HS6ST2: variants seen among roughly 807,000 people sequenced by gnomAD.
HS6ST2 encodes the protein heparan-sulfate 6-O-sulfotransferase 2.
A neutral mutation model predicts 33.0 loss-of-function variants in HS6ST2; 17 were observed. The observed-to-expected ratio is 0.52, with a 90% CI of 0.35 to 0.77. The LOEUF (loss-of-function observed/expected upper bound fraction) is 0.77. Among genes scored for constraint, HS6ST2 ranks in the 30% least tolerant of loss-of-function variants. The pLI is 0.01. For synonymous variants in HS6ST2, 248 were observed against 237.1 expected (o/e 1.05, Z -0.42); for missense variants, 519 against 551.7 (o/e 0.94, Z 0.59).
At chrX:132,843,500 C>A (rs910539001) in intron 2 of HS6ST2, among the ~76,000 whole-genome samples, 3 of 111,341 alleles carry the variant, frequency 2.7e-5, no homozygotes, top group Non-Finnish European at 5.7e-5. Flanking sequence ...CAATGTGATG[C>A]CTTTTTTAAA....
At chrX:132,740,342 T>C (rs1208964530) in intron 2 of HS6ST2, among the ~76,000 whole-genome samples, 1 of 112,102 alleles carries the variant, frequency 8.9e-6, no homozygotes, top group Non-Finnish European at 1.9e-5. Flanking sequence ...AACCTACTAT[T>C]CACACTGCTC....
At chrX:132,801,455 T>G (rs2065234386) in intron 2 of HS6ST2, among the ~76,000 whole-genome samples, 1 of 111,949 alleles carries the variant, frequency 8.9e-6, no homozygotes, top group South Asian at 3.7e-4. Context: ...TGAGACAAAG[T>G]ATGGAAAGAA....
At chrX:132,732,067 T>A (rs940660504) in intron 2 of HS6ST2, among the ~76,000 whole-genome samples, 2 of 111,954 alleles carry the variant, frequency 1.8e-5, no homozygotes, top group Admixed American at 9.5e-5. Flanking sequence ...TTTGCATAGG[T>A]GGGATTTCTC....
intron 2 of HS6ST2, among the ~76,000 whole-genome samples, chrX:132,745,371 C>T (rs2064628277): frequency 8.9e-6 from 1 of 112,089 alleles, no homozygotes; most frequent in African/African-American, 3.2e-5. Flanking sequence ...AGGCGTGAGC[C>T]ACCGCGCCCA....
At chrX:132,763,649 C>T (rs2148312693) in intron 2 of HS6ST2, among the ~76,000 whole-genome samples, 1 of 111,995 alleles carries the variant, frequency 8.9e-6, no homozygotes, top group Non-Finnish European at 1.9e-5. Flanking sequence ...TGTGACATGT[C>T]TAATCTTGCT....
At chrX:132,957,393 C>G in intron 1 of HS6ST2, 67 bp from the exon 2 acceptor site, 4 of 1,059,866 alleles carry the variant, frequency 3.8e-6, no homozygotes, top group Non-Finnish European at 5.0e-6. Context: ...GCCCCCGCAC[C>G]GCCCCCTTCC....
chrX:132,909,914 G>T (rs2066515856), intron 2 of HS6ST2, among the ~76,000 whole-genome samples: 1 of 110,512 alleles, frequency 9.0e-6, no homozygotes, highest in African/African-American at 3.3e-5. Flanking sequence ...ATAGTATTTC[G>T]TGCATCATAA....
chrX:132,909,246 C>T (rs973924214), intron 2 of HS6ST2, among the ~76,000 whole-genome samples: 9 of 112,304 alleles, frequency 8.0e-5, no homozygotes, highest in Admixed American at 5.7e-4. Context: ...GGCTACTCCT[C>T]AGTTCTCTCA....
At chrX:132,824,409 T>C (rs1373735176) in intron 2 of HS6ST2, among the ~76,000 whole-genome samples, 2 of 112,459 alleles carry the variant, frequency 1.8e-5, no homozygotes, top group Admixed American at 9.4e-5. Flanking sequence ...ATGATTTTGC[T>C]TCCAAGCAAA....
chrX:132,673,983 G>T (rs964418517), intron 3 of HS6ST2, among the ~76,000 whole-genome samples: 2 of 111,352 alleles, frequency 1.8e-5, no homozygotes, highest in Non-Finnish European at 3.8e-5. Flanking sequence ...TTTCTATCTT[G>T]TTAGGTTATG....
intron 2 of HS6ST2, among the ~76,000 whole-genome samples, chrX:132,898,471 G>C (rs1270597705): frequency 1.9e-5 from 2 of 106,317 alleles, no homozygotes; most frequent in East Asian, 3.0e-4. Flanking sequence ...TGAAAGTTCA[G>C]TCTGGCATCA....
intron 4 of HS6ST2, among the ~76,000 whole-genome samples, chrX:132,646,561 A>T (rs1407430408): frequency 1.9e-5 from 2 of 103,537 alleles, no homozygotes; most frequent in Non-Finnish European, 3.9e-5. Flanking sequence ...AAAAAAAGTC[A>T]TGTGTCCAAA....
At chrX:132,858,437 A>C (rs776217041) in intron 2 of HS6ST2, among the ~76,000 whole-genome samples, 1 of 112,234 alleles carries the variant, frequency 8.9e-6, no homozygotes, top group Non-Finnish European at 1.9e-5. Flanking sequence ...AAGTGCTTTC[A>C]GTTTGCCTTA....
At chrX:132,629,214 G>A (rs746819606) in intron 4 of HS6ST2, 121 bp from the exon 5 acceptor site, 2 of 747,663 alleles carry the variant, frequency 2.7e-6, no homozygotes, top group African/African-American at 2.1e-5. Flanking sequence ...AAATGACAGG[G>A]ATCTGATGGC....
At chrX:132,754,573 C>T (rs190150212) in intron 2 of HS6ST2, among the ~76,000 whole-genome samples, 2 of 109,091 alleles carry the variant, frequency 1.8e-5, no homozygotes, top group East Asian at 2.9e-4. Flanking sequence ...CCTGCCACCA[C>T]GCCCATCTAA....
intron 3 of HS6ST2, among the ~76,000 whole-genome samples, chrX:132,697,673 C>G (rs755372624): frequency 8.9e-6 from 1 of 111,858 alleles, no homozygotes; most frequent in Non-Finnish European, 1.9e-5. Flanking sequence ...TCTGACCCAA[C>G]GACTCAACCT....
intron 4 of HS6ST2, among the ~76,000 whole-genome samples, chrX:132,637,422 G>A (rs1472627159): frequency 9.1e-6 from 1 of 109,966 alleles, no homozygotes; most frequent in Non-Finnish European, 1.9e-5. Flanking sequence ...GAGAAACCCT[G>A]GGGGCACCCA....
intron 2 of HS6ST2, chrX:132,808,819 T>C (rs1408061568): frequency 8.9e-6 from 1 of 111,742 alleles, no homozygotes; most frequent in Non-Finnish European, 1.9e-5. Flanking sequence ...CTCTAGAGGC[T>C]CTCAGGTGGG....
rs1258015866 is a variant in HS6ST2 at position 132,626,770 on chromosome X, C to T, written c.*1453G>A. On this transcript the variant is annotated 3_prime_UTR_variant, in exon 5 of 5. Transcript: ENST00000370833. ...AATCCACAGTAAAATGAAAACTGCC[C>T]GGAATCATGATGCTTGACAGCACAG... is the stretch of plus-strand genomic sequence containing the variant. 1 of 111,753 alleles carries T rather than the reference C, an allele frequency of 8.9e-6. No individual in the cohort carries two copies. Among genetic ancestry groups the T allele is most frequent in the Non-Finnish European group, 1.9e-5 (1 of 53,113 alleles). The allele number at this position is 111,753 out of a possible 1,213,427, so 9.2% of individuals were successfully genotyped here.
Sources: gnomAD v4.1 joint callset for allele counts (sites outside exome capture counted in the v4.1 genomes callset) on GRCh38, gnomAD v4.1.1 for gene constraint, MANE v1.5 for transcripts, NCBI Gene and HGNC (gene_info 2026-07-23, HGNC 2026-07-21) for gene names.